CIMIP6: variants seen among roughly 807,000 people sequenced by gnomAD.
The protein encoded by CIMIP6 is ciliary microtubule inner protein 6, also known as uncharacterized protein C2orf73.
chr2:54,341,079 G>A, the CIMIP6 span, among the ~76,000 whole-genome samples: 8 of 152,172 alleles, frequency 5.3e-5, no homozygotes. Flanking sequence ...ATAAGTTTTT[G>A]ATCAACAAAA....
the CIMIP6 span, among the ~76,000 whole-genome samples, chr2:54,350,533 A>C: frequency 2.0e-5 from 3 of 152,204 alleles, no homozygotes; most frequent in Admixed American, 2.0e-4. Context: ...CAAGAATGCA[A>C]AAGCAGAAGC....
At chr2:54,362,544 G>A in the CIMIP6 span, among the ~76,000 whole-genome samples, 3 of 152,012 alleles carry the variant, frequency 2.0e-5, no homozygotes, top group African/African-American at 4.8e-5. Context: ...TTATCTGTCT[G>A]TGTGTGTATG....
At chr2:54,369,324 T>G in the CIMIP6 span, among the ~76,000 whole-genome samples, 5 of 152,194 alleles carry the variant, frequency 3.3e-5, no homozygotes, top group Admixed American at 3.3e-4. Context: ...AAAAAATCCT[T>G]TACATCACTG....
chr2:54,340,331 A>G, the CIMIP6 span, among the ~76,000 whole-genome samples: 10 of 16,310 alleles, frequency 6.1e-4, 4 homozygotes, highest in African/African-American at 1.9e-3. Context: ...AAGTGATGGT[A>G]CACAGAACAG....
At chr2:54,366,375 T>C in the CIMIP6 span, among the ~76,000 whole-genome samples, 4 of 152,204 alleles carry the variant, frequency 2.6e-5, no homozygotes, top group Non-Finnish European at 5.9e-5. Context: ...TGGCCTAATC[T>C]GTATGAGAAA....
the CIMIP6 span, among the ~76,000 whole-genome samples, chr2:54,336,008 C>A: frequency 6.6e-6 from 1 of 152,166 alleles, no homozygotes; most frequent in Non-Finnish European, 1.5e-5. Context: ...CCCCATCTCA[C>A]AATCCTTAAT....
At chr2:54,360,496 A>G in the CIMIP6 span, 1 of 1,569,580 alleles carries the variant, frequency 6.4e-7, no homozygotes, top group Non-Finnish European at 8.6e-7. Context: ...CCACTCAAAC[A>G]ACTGTAGGAG....
chr2:54,379,725 C>T, the CIMIP6 span, among the ~76,000 whole-genome samples: 7 of 151,842 alleles, frequency 4.6e-5, no homozygotes, highest in African/African-American at 1.7e-4. Flanking sequence ...GCCTATAATC[C>T]CAGCACTTTG....
the CIMIP6 span, among the ~76,000 whole-genome samples, chr2:54,380,488 C>A: frequency 6.6e-6 from 1 of 152,148 alleles, no homozygotes. Context: ...TTCAAGGTTC[C>A]AGGTTCCAGC....
the CIMIP6 span, among the ~76,000 whole-genome samples, chr2:54,352,423 C>G: frequency 6.6e-6 from 1 of 152,150 alleles, no homozygotes; most frequent in Non-Finnish European, 1.5e-5. Context: ...GTGATTATTA[C>G]AGACAGTGTT....
chr2:54,358,895 A>T, the CIMIP6 span: 2 of 710,514 alleles, frequency 2.8e-6, no homozygotes, highest in East Asian at 5.7e-5. Context: ...TATTATTAAT[A>T]CTGATTATAT....
chr2:54,346,008 A>G, the CIMIP6 span, among the ~76,000 whole-genome samples: 7 of 152,184 alleles, frequency 4.6e-5, no homozygotes, highest in Non-Finnish European at 1.0e-4. Flanking sequence ...AGAAAAGGGA[A>G]TTTATTTGGC....
chr2:54,351,939 G>T, the CIMIP6 span, among the ~76,000 whole-genome samples: 1 of 151,634 alleles, frequency 6.6e-6, no homozygotes, highest in Non-Finnish European at 1.5e-5. Context: ...AATAAACCTT[G>T]TGGCTACTGT....
At chr2:54,376,942 A>G in the CIMIP6 span, among the ~76,000 whole-genome samples, 1 of 152,200 alleles carries the variant, frequency 6.6e-6, no homozygotes, top group Non-Finnish European at 1.5e-5. Flanking sequence ...AGTTCACACA[A>G]GAGTTTGCAT....
chr2:54,378,541 T>C, the CIMIP6 span, among the ~76,000 whole-genome samples: 2 of 152,218 alleles, frequency 1.3e-5, no homozygotes, highest in African/African-American at 2.4e-5. Context: ...AAAATATGCA[T>C]GTGAAATTAC....
the CIMIP6 span, among the ~76,000 whole-genome samples, chr2:54,376,944 A>C: frequency 1.1e-3 from 161 of 152,290 alleles, 5 homozygotes; most frequent in East Asian, 0.026. Flanking sequence ...TTCACACAAG[A>C]GTTTGCATGC....
the CIMIP6 span, among the ~76,000 whole-genome samples, chr2:54,348,289 TA>T: frequency 6.6e-6 from 1 of 152,228 alleles, no homozygotes; most frequent in Non-Finnish European, 1.5e-5. Flanking sequence ...CAGTGTTTGC[TA>T]CATAGTAGAC....
the CIMIP6 span, among the ~76,000 whole-genome samples, chr2:54,331,911 T>A: frequency 6.6e-6 from 1 of 152,224 alleles, no homozygotes; most frequent in East Asian, 1.9e-4. Flanking sequence ...AAACAGCTGG[T>A]TAAAACACGT....
At chr2:54,341,452 G>A in the CIMIP6 span, among the ~76,000 whole-genome samples, 1 of 152,198 alleles carries the variant, frequency 6.6e-6, no homozygotes, top group Non-Finnish European at 1.5e-5. Flanking sequence ...TTGTGAGCCA[G>A]TAAATTTCTG....
Sources: allele counts gnomAD v4.1 joint callset (sites outside exome capture counted in the v4.1 genomes callset), GRCh38; gene constraint gnomAD v4.1.1; transcripts MANE v1.5; gene names NCBI Gene and HGNC (gene_info 2026-07-23, HGNC 2026-07-21).